The following SMG7 variants were observed in gnomAD, a reference collection of about 807,000 sequenced individuals.
SMG7 encodes the protein SMG7 nonsense mediated mRNA decay factor.
In SMG7, 34 loss-of-function variants were observed where a neutral mutation model predicts 148.2. That is an observed-to-expected ratio of 0.23 (90% CI 0.17 to 0.31). SMG7 has a LOEUF of 0.31. SMG7 is among the 10% of genes least tolerant of loss of function. The pLI is 1.00. For missense variants in SMG7, 1,114 were observed against 1,408.4 expected, an observed-to-expected ratio of 0.79 and a Z score of 3.35; for synonymous variants, 492 against 515.1, an observed-to-expected ratio of 0.96 and a Z score of 0.61.
chr1:183,519,028 C>T (rs1171211798), intron 4 of SMG7, among the ~76,000 whole-genome samples: 1 of 152,108 alleles, frequency 6.6e-6, no homozygotes. Context: ...GGGAGGATCA[C>T]TTGAGCCCAG....
chr1:183,492,587 CT>C (rs2102222585), intron 1 of SMG7, among the ~76,000 whole-genome samples: 2 of 152,306 alleles, frequency 1.3e-5, no homozygotes, highest in African/African-American at 4.8e-5. Flanking sequence ...CGAAAACAAT[CT>C]GCTTGGGTTC....
chr1:183,505,673 C>T (rs1402350114), intron 1 of SMG7, among the ~76,000 whole-genome samples: 1 of 152,210 alleles, frequency 6.6e-6, no homozygotes, highest in Non-Finnish European at 1.5e-5. Context: ...TGAACAGCTG[C>T]TACGGTCAAG....
intron 1 of SMG7, chr1:183,502,411 G>T: frequency 1.3e-6 from 2 of 1,517,802 alleles, no homozygotes; most frequent in South Asian, 1.2e-5. Context: ...AAATTACAAG[G>T]GATTTCTACA....
intron 10 of SMG7, among the ~76,000 whole-genome samples, chr1:183,536,524 G>A (rs926605784): frequency 2.6e-5 from 4 of 152,074 alleles, no homozygotes; most frequent in African/African-American, 9.7e-5. Flanking sequence ...AGGAACCAAG[G>A]ACACAGTTAA....
intron 1 of SMG7, among the ~76,000 whole-genome samples, 176 bp from the exon 2 acceptor site, chr1:183,512,661 C>T (rs1450746996): frequency 6.6e-6 from 1 of 152,080 alleles, no homozygotes; most frequent in Non-Finnish European, 1.5e-5. Context: ...TTGCCAAGAC[C>T]TTGTGCTACC....
At chr1:183,525,550 T>A (rs932541992) in intron 4 of SMG7, among the ~76,000 whole-genome samples, 9 of 152,142 alleles carry the variant, frequency 5.9e-5, no homozygotes, top group African/African-American at 2.2e-4. Context: ...GGAGAGTGTT[T>A]TAGCTCTGTT....
chr1:183,547,989 C>T lies in SMG7; in HGVS notation c.2892+737C>T, dbSNP rs1172207704. 3.9e-5 allele frequency among the ~76,000 whole-genome samples: 6 copies of T among 152,210 alleles called. No homozygotes were observed. The East Asian group carries it at 1.2e-3, about 29-fold the overall frequency. On this transcript the variant is annotated intron_variant, in intron 18 of 22. Coordinates refer to ENST00000688051, the MANE Select transcript of SMG7 (RefSeq NM_001375584.1). ...AAAGATGTATGCTATGAGGCTTTTT[C>T]CCCTCTCTTTATTACACCTTAATAA...
chr1:183,539,124 C>G (rs541354848), intron 12 of SMG7, among the ~76,000 whole-genome samples: 1 of 152,184 alleles, frequency 6.6e-6, no homozygotes, highest in Admixed American at 6.5e-5. Flanking sequence ...TGCACTCCAG[C>G]CTGGGTGACA....
At chr1:183,499,650 C>A (rs138124424) in intron 1 of SMG7, among the ~76,000 whole-genome samples, 13 of 152,200 alleles carry the variant, frequency 8.5e-5, no homozygotes, top group African/African-American at 2.9e-4. Flanking sequence ...TTATGAAATG[C>A]GTGTTTTATC....
intron 17 of SMG7, among the ~76,000 whole-genome samples, chr1:183,546,645 A>G (rs558486899): frequency 3.0e-4 from 46 of 152,348 alleles, no homozygotes; most frequent in Non-Finnish European, 2.9e-4. Flanking sequence ...GGGCTGAATC[A>G]TCTAAGTTTA....
chr1:183,494,079 C>T (rs549817965), intron 1 of SMG7, among the ~76,000 whole-genome samples: 1 of 152,196 alleles, frequency 6.6e-6, no homozygotes, highest in East Asian at 1.9e-4. Flanking sequence ...TCTCAATCAC[C>T]TGGGCTCAAG....
chr1:183,472,540 C>G lies in SMG7; in HGVS notation c.-81C>G. ...GGAAGATGGCGGCGGCCGCCAGCACCCGCGGTGCCGCGGGGCCGCTCCGAG... is the reference window on the plus strand; with the variant it reads ...GGAAGATGGCGGCGGCCGCCAGCACGCGCGGTGCCGCGGGGCCGCTCCGAG... On this transcript the variant is annotated 5_prime_UTR_variant, in exon 1 of 23. Coordinates refer to ENST00000688051, the MANE Select transcript of SMG7 (RefSeq NM_001375584.1). The G allele has an allele frequency of 7.6e-7, 1 of 1,317,464 alleles. No homozygotes were observed. Among genetic ancestry groups the G allele is most frequent in the Non-Finnish European group, 9.8e-7 (1 of 1,017,124 alleles). 81.6% of individuals were successfully genotyped at this position (1,317,464 alleles called of 1,614,324 possible).
rs1651504575 is a variant in SMG7, at chr1:183,474,211, C to T, written c.29+1562C>T. On this transcript the variant is annotated intron_variant, in intron 1 of 22. Transcript: ENST00000688051. ...GTGCTGATTAGTCTTAAGGAATTTGCAGTTGAGTATCTGTTAGGCAAGTAA... is the reference window on the plus strand; with the variant it reads ...GTGCTGATTAGTCTTAAGGAATTTGTAGTTGAGTATCTGTTAGGCAAGTAA... Among the ~76,000 whole-genome samples, 3 of 152,266 alleles carry T rather than the reference C, an allele frequency of 2.0e-5. No individual in the cohort carries two copies. The South Asian group carries it at 6.2e-4, about 32-fold the overall frequency.
chr1:183,516,367 A>C (rs928000728), intron 3 of SMG7, among the ~76,000 whole-genome samples: 4 of 152,196 alleles, frequency 2.6e-5, no homozygotes, highest in Non-Finnish European at 5.9e-5. Flanking sequence ...TTTCTTTGTT[A>C]AACGTGATTC....
chr1:183,487,616 C>T (rs923650593), intron 1 of SMG7, among the ~76,000 whole-genome samples: 1 of 152,206 alleles, frequency 6.6e-6, no homozygotes, highest in African/African-American at 2.4e-5. Context: ...GTGTCAGTTA[C>T]TTTGCATCCC....
chr1:183,481,858 G>A (rs1396077083), intron 1 of SMG7, among the ~76,000 whole-genome samples: 2 of 150,652 alleles, frequency 1.3e-5, no homozygotes, highest in African/African-American at 2.4e-5. Context: ...ACAGGATTTC[G>A]CTCTGTTGCC....
intron 1 of SMG7, among the ~76,000 whole-genome samples, chr1:183,495,377 T>C (rs1658233975): frequency 6.6e-6 from 1 of 152,200 alleles, no homozygotes; most frequent in South Asian, 2.1e-4. Flanking sequence ...TGTTATCTGG[T>C]AATTCTCATT....
At chr1:183,529,370 T>G (rs1666462634) in intron 7 of SMG7, 28 bp from the exon 8 acceptor site, 2 of 1,604,992 alleles carry the variant, frequency 1.2e-6, no homozygotes, top group Admixed American at 1.7e-5. Flanking sequence ...CTGCTTATGA[T>G]TCATGGAATT....
intron 1 of SMG7, chr1:183,508,263 G>A (rs1444362052): frequency 1.1e-5 from 3 of 271,968 alleles, no homozygotes; most frequent in South Asian, 1.4e-4. Flanking sequence ...GCACAAACAC[G>A]GTTCACTGCA....
Sources: gnomAD v4.1 joint callset for allele counts (sites outside exome capture counted in the v4.1 genomes callset) on GRCh38, gnomAD v4.1.1 for gene constraint, MANE v1.5 for transcripts, NCBI Gene and HGNC (gene_info 2026-07-23, HGNC 2026-07-21) for gene names.